PARN: variants seen among roughly 807,000 people sequenced by gnomAD.
PARN encodes poly(A)-specific ribonuclease, also known as poly(A)-specific ribonuclease PARN.
In PARN, 71 loss-of-function variants were observed where a neutral mutation model predicts 102.8. That is an observed-to-expected ratio of 0.69 (90% CI 0.57 to 0.84). The LOEUF is 0.84. PARN is among the 40% of genes least tolerant of loss of function. PARN has a pLI of 0.00. For missense variants in PARN, 782 were observed against 760.9 expected (o/e 1.03, Z -0.33); for synonymous variants, 261 against 252.9 (o/e 1.03, Z -0.30).
intron 21 of PARN, among the ~76,000 whole-genome samples, chr16:14,503,968 G>A (rs994981840): frequency 5.9e-5 from 9 of 152,160 alleles, no homozygotes; most frequent in African/African-American, 2.2e-4. Flanking sequence ...TAGAAGCAGT[G>A]AACCAAGGGC....
At chr16:14,589,961 CA>C (rs1327910836) in intron 13 of PARN, among the ~76,000 whole-genome samples, 4 of 151,740 alleles carry the variant, frequency 2.6e-5, no homozygotes. Context: ...TTAAGAAACG[CA>C]AATCCAGGCC....
chr16:14,618,421 G>T (rs1322642944), intron 5 of PARN, among the ~76,000 whole-genome samples: 1 of 151,578 alleles, frequency 6.6e-6, no homozygotes, highest in Non-Finnish European at 1.5e-5. Context: ...CCGAGAGGTG[G>T]AGCTTGCAGT....
intron 18 of PARN, among the ~76,000 whole-genome samples, chr16:14,559,856 T>C (rs1967943562): frequency 6.6e-6 from 1 of 152,130 alleles, no homozygotes; most frequent in Admixed American, 6.6e-5. Context: ...GAAAACCAAC[T>C]CTGTGTGACT....
At chr16:14,437,864 AC>A (rs1374198418) in intron 23 of PARN, among the ~76,000 whole-genome samples, 1 of 152,216 alleles carries the variant, frequency 6.6e-6, no homozygotes, top group Non-Finnish European at 1.5e-5. Flanking sequence ...ATCATCAGTA[AC>A]AGGGATGCTT....
chr16:14,552,105 CA>C lies in PARN; in HGVS notation c.1406-11del. On this transcript the variant is annotated splice_polypyrimidine_tract_variant and intron_variant, in intron 20 of 23. Transcript: ENST00000437198. The stretch of plus-strand genomic sequence containing the variant: ...GATATCTGAATGTTACCTGCAATCG[CA>C]AATTAAAAGTAAAGTGAACATTTGA... 1 of 1,581,608 alleles carries C rather than the reference CA, an allele frequency of 6.3e-7. No homozygotes were observed.
chr16:14,626,766 C>T (rs556082144), intron 5 of PARN, among the ~76,000 whole-genome samples: 205 of 151,998 alleles, frequency 1.3e-3, no homozygotes, highest in Admixed American at 2.4e-3. Flanking sequence ...GCACCCATGA[C>T]CACACTCGGC....
intron 22 of PARN, among the ~76,000 whole-genome samples, chr16:14,451,871 A>AC: frequency 3.0e-5 from 1 of 33,196 alleles, no homozygotes; most frequent in South Asian, 9.5e-4. Flanking sequence ...AAAAAATACA[A>AC]AAAAAAAAAA....
At chr16:14,593,424 A>G (rs752838922) in intron 12 of PARN, 46 bp from the exon 13 acceptor site, 9 of 752,652 alleles carry the variant, frequency 1.2e-5, no homozygotes, top group Non-Finnish European at 2.0e-5. Context: ...ATTCGAAATT[A>G]TACTGGGGTT....
chr16:14,440,906 G>A (rs999373498), intron 23 of PARN, among the ~76,000 whole-genome samples: 1 of 152,146 alleles, frequency 6.6e-6, no homozygotes, highest in Non-Finnish European at 1.5e-5. Flanking sequence ...CTGGAGTGAT[G>A]GAGTTGTATA....
intron 22 of PARN, among the ~76,000 whole-genome samples, 169 bp downstream of exon 22, chr16:14,482,469 T>A (rs1963434459): frequency 6.6e-6 from 1 of 152,112 alleles, no homozygotes; most frequent in Non-Finnish European, 1.5e-5. Context: ...TATAAAGCAG[T>A]CTCTAAAATA....
chr16:14,611,329 G>A (rs1375193648), intron 6 of PARN, among the ~76,000 whole-genome samples: 1 of 152,226 alleles, frequency 6.6e-6, no homozygotes, highest in Non-Finnish European at 1.5e-5. Flanking sequence ...TATGGAGCAA[G>A]ATTCTGCAGG....
chr16:14,582,187 A>C lies in PARN; in HGVS notation c.1186T>G (p.Tyr396Asp). 1 of 1,585,726 alleles carries C rather than the reference A, an allele frequency of 6.3e-7. No homozygotes were observed. The highest frequency in any genetic ancestry group is 8.7e-7 in the Non-Finnish European group (1 of 1,153,964). The part of the protein sequence containing the change: ...TGLCFISMAN[Y>D]LGSFLSPPKI... ...AAAGACATGTAATGCGTACCTAGGT[A>C]ATTGGCCATGGAGATGAAGCACAGC... The change falls in exon 17 of 24, where the codon TAC becomes GAC. Residue 396 changes from tyrosine to aspartate, a missense_variant. Coordinates refer to ENST00000437198, the MANE Select transcript of PARN (RefSeq NM_002582.4).
chr16:14,578,904 T>A (rs1316330382), intron 18 of PARN, among the ~76,000 whole-genome samples: 4 of 152,234 alleles, frequency 2.6e-5, no homozygotes, highest in Admixed American at 1.3e-4. Flanking sequence ...ACACATTTAC[T>A]GTCTAGTTCT....
intron 22 of PARN, among the ~76,000 whole-genome samples, chr16:14,449,132 G>A (rs1378811098): frequency 6.6e-6 from 1 of 152,140 alleles, no homozygotes; most frequent in Admixed American, 6.6e-5. Context: ...GGTAGCCTCT[G>A]AGACATACAT....
At chr16:14,603,578 A>G (rs967213768) in intron 11 of PARN, among the ~76,000 whole-genome samples, 2 of 151,932 alleles carry the variant, frequency 1.3e-5, no homozygotes, top group Non-Finnish European at 2.9e-5. Context: ...CATAAATTCC[A>G]TGGATTCTAC....
chr16:14,587,367 C>A (rs1054471487), intron 13 of PARN, among the ~76,000 whole-genome samples: 1 of 152,166 alleles, frequency 6.6e-6, no homozygotes, highest in African/African-American at 2.4e-5. Flanking sequence ...CAGTTCTAGA[C>A]CAATGTCTTC....
intron 22 of PARN, among the ~76,000 whole-genome samples, chr16:14,462,613 CG>C (rs2151574437): frequency 6.7e-6 from 1 of 150,292 alleles, no homozygotes; most frequent in East Asian, 2.0e-4. Context: ...AGAATATTCT[CG>C]AAAATTCCAG....
rs894503273 is a variant in PARN, at chr16:14,537,965, A to G, written c.1480+14056T>C. On this transcript the variant is annotated intron_variant, in intron 21 of 23. Coordinates refer to ENST00000437198, the MANE Select transcript of PARN (RefSeq NM_002582.4). The stretch of plus-strand genomic sequence containing the variant: ...GTTTGAATGTTCACAACACAAAACT[A>G]TAATACATCTTTGACATGATGGATA... 8.5e-5 allele frequency among the ~76,000 whole-genome samples: 13 copies of G among 152,358 alleles called. 1 individual carries two copies. In the South Asian group the frequency reaches 1.0e-3, roughly 12 times the overall value.
chr16:14,515,958 G>A (rs1212693143), intron 21 of PARN, among the ~76,000 whole-genome samples: 1 of 151,944 alleles, frequency 6.6e-6, no homozygotes, highest in Non-Finnish European at 1.5e-5. Flanking sequence ...TAAGTAAATT[G>A]ATAGATAGAC....
Sources: gnomAD v4.1 joint callset for allele counts (sites outside exome capture counted in the v4.1 genomes callset) on GRCh38, gnomAD v4.1.1 for gene constraint, MANE v1.5 for transcripts, NCBI Gene and HGNC (gene_info 2026-07-23, HGNC 2026-07-21) for gene names.